Variants in CFAP299 observed in about 807,000 individuals in gnomAD.
CFAP299 encodes cilia and flagella associated protein 299.
Under a neutral mutation model 27.0 loss-of-function variants are expected in CFAP299, and 21 were observed. The ratio of observed to expected loss-of-function variants is 0.78; its 90% CI spans 0.55 to 1.12. The LOEUF is 1.12. Ranked by LOEUF, CFAP299 falls within the 50% of genes most tolerant of loss-of-function variation. The pLI is 0.00. For missense variants in CFAP299, 310 were observed against 276.6 expected (o/e 1.12, Z -0.86); for synonymous variants, 104 against 98.1 (o/e 1.06, Z -0.36).
chr4:80,694,606 T>A (rs532936270), intron 3 of CFAP299, among the ~76,000 whole-genome samples: 2 of 152,328 alleles, frequency 1.3e-5, no homozygotes, highest in East Asian at 3.9e-4. Context: ...TTTGCTAGAA[T>A]AAAATGGTAT....
At chr4:80,673,852 T>A (rs1273934023) in intron 3 of CFAP299, among the ~76,000 whole-genome samples, 1 of 151,864 alleles carries the variant, frequency 6.6e-6, no homozygotes, top group Non-Finnish European at 1.5e-5. Flanking sequence ...CTTTTTTTTT[T>A]TTTTTTGCCT....
chr4:80,370,307 G>C (rs1724069246), intron 2 of CFAP299, among the ~76,000 whole-genome samples: 3 of 152,148 alleles, frequency 2.0e-5, no homozygotes, highest in Admixed American at 2.0e-4. Context: ...TTTGACATGA[G>C]ATTTGATGAG....
intron 5 of CFAP299, among the ~76,000 whole-genome samples, chr4:80,954,536 A>G (rs898710512): frequency 3.9e-5 from 6 of 152,202 alleles, no homozygotes; most frequent in African/African-American, 1.4e-4. Flanking sequence ...CCCTGAACAT[A>G]TATACATTTT....
At position 80,445,842 on chromosome 4, in the gene CFAP299, T is replaced by A. The variant is rs1484176780; in HGVS notation, c.242+82958T>A. On this transcript the variant is annotated intron_variant, in intron 2 of 5. Transcript: ENST00000358105. ...CATAATTTGTTGGCATCTATTGAGA[T>A]CGTATGATTTTCTTTGACATAGTTA... is the stretch of plus-strand genomic sequence containing the variant. Among the ~76,000 whole-genome samples the A allele has an allele frequency of 2.0e-5, 3 of 152,180 alleles. No individual in the cohort carries two copies. In the East Asian group the frequency reaches 5.8e-4, roughly 29 times the overall value.
chr4:80,808,302 G>A lies in CFAP299; in HGVS notation c.334-61691G>A, dbSNP rs1194215614. On this transcript the variant is annotated intron_variant, in intron 3 of 5. Transcript: ENST00000358105. ...AGAATTCCATTTGAAGAAAGAATCT[G>A]CCTTCATAACATGCTGCTACCCTAT... Among the ~76,000 whole-genome samples the A allele has an allele frequency of 2.0e-5, 3 of 152,020 alleles. No homozygotes were observed. In the South Asian group the frequency reaches 6.2e-4, roughly 32 times the overall value.
chr4:80,445,170 C>G (rs1728559579), intron 2 of CFAP299, among the ~76,000 whole-genome samples: 1 of 152,194 alleles, frequency 6.6e-6, no homozygotes, highest in African/African-American at 2.4e-5. Context: ...AATCCCATTA[C>G]TGGGTGTATA....
At chr4:80,813,702 G>A (rs1729276891) in intron 3 of CFAP299, among the ~76,000 whole-genome samples, 3 of 151,882 alleles carry the variant, frequency 2.0e-5, no homozygotes, top group South Asian at 4.2e-4. Context: ...TTTTGGGTGA[G>A]GAAATTATAT....
chr4:80,640,345 G>T (rs553219153), intron 3 of CFAP299, among the ~76,000 whole-genome samples: 1 of 152,250 alleles, frequency 6.6e-6, no homozygotes, highest in South Asian at 2.1e-4. Flanking sequence ...CTGAGACCAG[G>T]TTGTTTTAGC....
intron 2 of CFAP299, among the ~76,000 whole-genome samples, chr4:80,402,088 G>A (rs181445013): frequency 5.3e-5 from 8 of 152,312 alleles, no homozygotes; most frequent in Middle Eastern, 3.4e-3. Context: ...ATTGCATCCA[G>A]GAAGTAACTA....
At chr4:80,417,484 G>A (rs1024509601) in intron 2 of CFAP299, among the ~76,000 whole-genome samples, 1 of 152,158 alleles carries the variant, frequency 6.6e-6, no homozygotes, top group Admixed American at 6.5e-5. Context: ...ATCCCTGGAT[G>A]TGAGGTTAAA....
rs546709141 is a variant in CFAP299, at chr4:80,518,217, G to T, written c.243-64876G>T. 9.1e-4 allele frequency among the ~76,000 whole-genome samples: 139 copies of T among 152,190 alleles called. 1 individual carries two copies. The highest frequency in any genetic ancestry group is 9.9e-4 in the Non-Finnish European group (67 of 67,996). ...TAGCAATTGGTGTACAGGAAATGAT[G>T]CTGAGAGCAAAAGCCTTCAATTAAT... On this transcript the variant is annotated intron_variant, in intron 2 of 5. Coordinates refer to ENST00000358105, the MANE Select transcript of CFAP299 (RefSeq NM_152770.3).
intron 3 of CFAP299, among the ~76,000 whole-genome samples, chr4:80,747,451 G>A (rs1374238232): frequency 1.3e-5 from 2 of 152,004 alleles, no homozygotes; most frequent in East Asian, 3.8e-4. Context: ...TTGAAATATT[G>A]TTATGTGGTG....
chr4:80,545,645 C>T (rs2110203425), intron 2 of CFAP299, among the ~76,000 whole-genome samples: 1 of 152,226 alleles, frequency 6.6e-6, no homozygotes, highest in South Asian at 2.1e-4. Context: ...CAGATGGATT[C>T]AGGCAAATTC....
chr4:80,525,861 T>A (rs1214671419), intron 2 of CFAP299, among the ~76,000 whole-genome samples: 1 of 152,150 alleles, frequency 6.6e-6, no homozygotes, highest in African/African-American at 2.4e-5. Flanking sequence ...GTAGTTCCAA[T>A]CTCTCTATCC....
chr4:80,950,257 C>G (rs566612780), intron 5 of CFAP299, among the ~76,000 whole-genome samples: 4 of 151,596 alleles, frequency 2.6e-5, no homozygotes, highest in Middle Eastern at 3.4e-3. Context: ...CCCTCCACCC[C>G]CCCCCTTTCT....
intron 1 of CFAP299, among the ~76,000 whole-genome samples, chr4:80,340,349 A>G (rs541152914): frequency 2.4e-4 from 37 of 152,258 alleles, no homozygotes; most frequent in African/African-American, 8.9e-4. Flanking sequence ...CTTCCATCCA[A>G]TACTCAGAAC....
At chr4:80,477,159 C>A (rs1730324233) in intron 2 of CFAP299, among the ~76,000 whole-genome samples, 1 of 152,076 alleles carries the variant, frequency 6.6e-6, no homozygotes, top group African/African-American at 2.4e-5. Context: ...ACCTCCCAAG[C>A]TCAAGCGATT....
Position 80,388,644 on chromosome 4 carries a change from C to G in CFAP299, c.242+25760C>G, listed in dbSNP as rs920667153. The G allele has an allele frequency of 1.6e-5, 21 of 1,323,482 alleles. No homozygotes were observed. The African/African-American group carries it at 3.0e-4, about 19-fold the overall frequency. 82.0% of individuals were successfully genotyped at this position (1,323,482 alleles called of 1,614,324 possible). On this transcript the variant is annotated intron_variant, in intron 2 of 5. Coordinates refer to ENST00000358105, the MANE Select transcript of CFAP299 (RefSeq NM_152770.3). The stretch of plus-strand genomic sequence containing the variant: ...GGATCAGGGACTGCTCCTTGGCCAT[C>G]CAGTAATGATGGGACAGCTAGAATG...
At chr4:80,531,080 A>G (rs1178730723) in intron 2 of CFAP299, among the ~76,000 whole-genome samples, 1 of 152,186 alleles carries the variant, frequency 6.6e-6, no homozygotes, top group African/African-American at 2.4e-5. Flanking sequence ...GTTGAGAGGC[A>G]GAGGAAGAAG....
Sources: allele counts gnomAD v4.1 joint callset (sites outside exome capture counted in the v4.1 genomes callset), GRCh38; gene constraint gnomAD v4.1.1; transcripts MANE v1.5; gene names NCBI Gene and HGNC (gene_info 2026-07-23, HGNC 2026-07-21).